RAP1GAP2: variants seen among roughly 807,000 people sequenced by gnomAD.
RAP1GAP2 encodes the protein rap1 GTPase-activating protein 2.
In RAP1GAP2, 27 loss-of-function variants were observed where a neutral mutation model predicts 95.0. That is an observed-to-expected ratio of 0.28 (90% CI 0.21 to 0.39). The LOEUF (loss-of-function observed/expected upper bound fraction) is 0.39. Ranked by LOEUF, RAP1GAP2 falls within the 10% of genes least tolerant of loss-of-function variation. The pLI, the probability that RAP1GAP2 is intolerant of heterozygous loss-of-function variation, is 1.00. For synonymous variants in RAP1GAP2, 373 were observed against 380.9 expected, an observed-to-expected ratio of 0.98 and a Z score of 0.24; for missense variants, 771 against 970.0, an observed-to-expected ratio of 0.79 and a Z score of 2.72.
rs1183886294 is a variant in RAP1GAP2, at chr17:2,984,902, A to T, written c.730-81A>T. 8.9e-6 allele frequency: 14 copies of T among 1,575,356 alleles called. No individual in the cohort carries two copies. The East Asian group carries it at 2.0e-4, about 23-fold the overall frequency. The stretch of plus-strand genomic sequence containing the variant: ...GGGAACACATTCTCTCCCCAAATGG[A>T]TGCTTCCCCTGCCATGTGCTTCCTC... On this transcript the variant is annotated intron_variant, in intron 10 of 24. Transcript: ENST00000254695.
intron 3 of RAP1GAP2, among the ~76,000 whole-genome samples, chr17:2,910,697 C>T (rs748831967): frequency 2.6e-5 from 4 of 152,130 alleles, no homozygotes; most frequent in African/African-American, 7.2e-5. Context: ...CGTTCCTCCT[C>T]GAGTCAACAG....
intron 4 of RAP1GAP2, among the ~76,000 whole-genome samples, chr17:2,958,491 ATAC>A (rs1416981086): frequency 2.6e-5 from 4 of 152,066 alleles, no homozygotes; most frequent in Non-Finnish European, 4.4e-5. Flanking sequence ...AATGCTGATA[ATAC>A]ACCTGTAGCT....
chr17:2,772,193 G>T (rs2068411072), upstream of RAP1GAP2, among the ~76,000 whole-genome samples: 1 of 152,078 alleles, frequency 6.6e-6, no homozygotes, highest in Non-Finnish European at 1.5e-5. Flanking sequence ...GTTTCACCAT[G>T]GTCAGGCTGG....
rs918136873 is a variant in RAP1GAP2 at position 2,906,954 on chromosome 17, G to T, written c.165+1586G>T. 6.6e-6 allele frequency among the ~76,000 whole-genome samples: 1 copy of T among 152,100 alleles called. No individual in the cohort carries two copies. The highest frequency in any genetic ancestry group is 2.4e-5 in the African/African-American group (1 of 41,442). Reference sequence around the variant, plus strand: ...TTGTAATTGCAAGCATAGACGGCAGGCATGACTGCATCCGCAAGATCAGTC... The same window carrying T: ...TTGTAATTGCAAGCATAGACGGCAGTCATGACTGCATCCGCAAGATCAGTC... On this transcript the variant is annotated intron_variant, in intron 3 of 24. Coordinates refer to ENST00000254695, the MANE Select transcript of RAP1GAP2 (RefSeq NM_015085.5). This position sits in a 1 kb window ranked among gnomAD's most constrained non-coding sequence, Gnocchi z 4.3.
rs1555582399 is a variant in RAP1GAP2 at position 2,970,294 on chromosome 17, A to AAATAAT, written c.596+4659_596+4664dup. ...GTCTCAAAAAAAAAAAAAAAAAAAA[A>AAATAAT]AATAATAATAATACGTCCCTTGTTA... On this transcript the variant is annotated intron_variant, in intron 8 of 24. Coordinates refer to ENST00000254695, the MANE Select transcript of RAP1GAP2 (RefSeq NM_015085.5). Among the ~76,000 whole-genome samples the AAATAAT allele has an allele frequency of 1.9e-3, 218 of 116,002 alleles. 4 individuals are homozygous for AAATAAT. Among genetic ancestry groups the AAATAAT allele is most frequent in the Middle Eastern group, 4.2e-3 (1 of 238 alleles). The allele number at this position is 116,002 out of a possible 152,430, so 76.1% of individuals were successfully genotyped here.
chr17:2,891,809 C>CTTTTTTTT (rs1488865061), intron 2 of RAP1GAP2, among the ~76,000 whole-genome samples: 12 of 58,014 alleles, frequency 2.1e-4, no homozygotes, highest in Non-Finnish European at 4.5e-4. Flanking sequence ...ATTCATATTT[C>CTTTTTTTT]TTTTCTTTTT....
intron 2 of RAP1GAP2, among the ~76,000 whole-genome samples, chr17:2,830,486 C>A (rs28514621): frequency 6.6e-6 from 1 of 151,782 alleles, no homozygotes; most frequent in African/African-American, 2.4e-5. Context: ...GAGGCCGAGG[C>A]GGGCAGATCA....
intron 2 of RAP1GAP2, among the ~76,000 whole-genome samples, chr17:2,829,859 C>G (rs552125945): frequency 6.7e-6 from 1 of 148,668 alleles, no homozygotes; most frequent in Non-Finnish European, 1.5e-5. Flanking sequence ...GCTATGTTGC[C>G]CAGGCTAGTC....
At chr17:2,964,718 C>G (rs2044513337) in intron 7 of RAP1GAP2, 1 of 152,980 alleles carries the variant, frequency 6.5e-6, no homozygotes, top group South Asian at 2.1e-4. Flanking sequence ...GCAAATCTCT[C>G]CGTCCTCATT....
At chr17:2,946,188 T>C (rs2043692128) in intron 3 of RAP1GAP2, among the ~76,000 whole-genome samples, 2 of 152,248 alleles carry the variant, frequency 1.3e-5, no homozygotes, top group African/African-American at 4.8e-5. Flanking sequence ...ATTTGGTTTA[T>C]TGGTACTTCG....
chr17:3,006,684 C>T (rs112651881), intron 16 of RAP1GAP2, among the ~76,000 whole-genome samples: 23 of 152,174 alleles, frequency 1.5e-4, no homozygotes, highest in Admixed American at 4.6e-4. Context: ...CCGCCTGCCT[C>T]GGCCTCCCAA....
chr17:2,757,057 G>A (rs2071161947), intron 1 of RAP1GAP2, among the ~76,000 whole-genome samples: 1 of 152,162 alleles, frequency 6.6e-6, no homozygotes, highest in South Asian at 2.1e-4. Flanking sequence ...AGTTAGCAGT[G>A]GAATCACTCT....
intron 2 of RAP1GAP2, among the ~76,000 whole-genome samples, chr17:2,830,869 CTT>C (rs1018262483): frequency 4.0e-5 from 6 of 151,418 alleles, no homozygotes; most frequent in African/African-American, 1.5e-4. Flanking sequence ...CTAAAATTCA[CTT>C]TGAGGTTCTT....
chr17:2,804,311 G>A (rs1476462), intron 2 of RAP1GAP2, among the ~76,000 whole-genome samples: 34,719 of 152,162 alleles, frequency 0.23, 4,183 homozygotes, highest in South Asian at 0.32. Flanking sequence ...CTCAGGCTTC[G>A]TTGCACTGTT....
intron 2 of RAP1GAP2, among the ~76,000 whole-genome samples, chr17:2,803,529 C>T (rs2069386797): frequency 6.6e-6 from 1 of 152,188 alleles, no homozygotes; most frequent in Non-Finnish European, 1.5e-5. Flanking sequence ...CATAGAAGTT[C>T]AAAGATAATC....
chr17:2,976,858 G>C (rs1597779167), intron 8 of RAP1GAP2, among the ~76,000 whole-genome samples: 2 of 152,116 alleles, frequency 1.3e-5, no homozygotes, highest in South Asian at 2.1e-4. Flanking sequence ...AAACAGGCCA[G>C]GTGTGGTGGC....
At chr17:2,764,146 A>G (rs1016575176) in intron 1 of RAP1GAP2, among the ~76,000 whole-genome samples, 1 of 152,130 alleles carries the variant, frequency 6.6e-6, no homozygotes, top group Non-Finnish European at 1.5e-5. Flanking sequence ...AAAAATATAA[A>G]ATAGGCTGTG....
chr17:2,862,453 T>A (rs2072440931), intron 2 of RAP1GAP2, among the ~76,000 whole-genome samples: 1 of 152,120 alleles, frequency 6.6e-6, no homozygotes, highest in South Asian at 2.1e-4. Flanking sequence ...GCACTTCTGT[T>A]CAGACGGGGG....
At chr17:2,882,800 G>C (rs1039589003) in intron 2 of RAP1GAP2, among the ~76,000 whole-genome samples, 2 of 152,168 alleles carry the variant, frequency 1.3e-5, no homozygotes, top group Admixed American at 6.6e-5. Context: ...AGGTGGCGAG[G>C]ACTTTGTGAT....
Sources: gnomAD v4.1 joint callset for allele counts (sites outside exome capture counted in the v4.1 genomes callset) on GRCh38, gnomAD v4.1.1 for gene constraint, Gnocchi (gnomAD v3.1) non-coding constraint, MANE v1.5 for transcripts, NCBI Gene and HGNC (gene_info 2026-07-23, HGNC 2026-07-21) for gene names.